The following IL16 variants were observed in gnomAD, a reference collection of about 807,000 sequenced individuals.
The protein encoded by IL16 is pro-interleukin-16.
IL16 carries 67 observed loss-of-function variants against 110.1 expected under a neutral mutation model. That is an observed-to-expected ratio of 0.61 (90% confidence interval 0.50 to 0.75). The LOEUF (loss-of-function observed/expected upper bound fraction) is 0.75, where lower values mean the gene tolerates loss of function less well. IL16 is among the 30% of genes least tolerant of loss of function. The pLI, the probability that IL16 is intolerant of heterozygous loss-of-function variation, is 0.00. For synonymous variants in IL16, 689 were observed against 662.9 expected (o/e 1.04, Z -0.61); for missense variants, 1,545 against 1,655.0 (o/e 0.93, Z 1.15).
In IL16 at chr15:81,269,239, T is replaced by C. The variant is rs375834656; in HGVS notation, c.565-299T>C. Among the ~76,000 whole-genome samples, 173 of 152,370 alleles carry C rather than the reference T, an allele frequency of 1.1e-3. 4 individuals are homozygous for C. In the South Asian group the frequency reaches 0.032, roughly 28 times the overall value. On this transcript the variant is annotated intron_variant, in intron 4 of 18. Transcript: ENST00000683961. Reference sequence around the variant, plus strand: ...AGACCTGGCTTATGAGGACTTGTCCTGGAGGCAGCGTGTTCTGTGATGTTA... The same window carrying C: ...AGACCTGGCTTATGAGGACTTGTCCCGGAGGCAGCGTGTTCTGTGATGTTA...
chr15:81,300,204 C>T lies in IL16; in HGVS notation c.2878C>T (p.Pro960Ser), dbSNP rs1340177512. ...EESQGPVLKM[P>S]SQRARSFPLT... is the part of the protein sequence containing the mutation. Reference sequence around the variant, plus strand: ...ATCTCAAGGCCCAGTGCTCAAGATGCCTAGCCAGCGAGCACGGAGCTTCCC... The same window carrying T: ...ATCTCAAGGCCCAGTGCTCAAGATGTCTAGCCAGCGAGCACGGAGCTTCCC... The change falls in exon 14 of 19, where the codon CCT becomes TCT. Residue 960 changes from proline to serine, a missense_variant. Pro to Ser is a moderately conservative substitution (Grantham distance 74). Around this residue, in one of 3 missense-constraint regions of IL16, gnomAD observed 1,185 missense variants for 1,238.8 expected, o/e 0.96. Coordinates refer to ENST00000683961, the MANE Select transcript of IL16 (RefSeq NM_172217.5). 1.2e-6 allele frequency: 2 copies of T among 1,614,092 alleles called. No homozygotes were observed. The highest frequency in any genetic ancestry group is 2.2e-5 in the East Asian group (1 of 44,882).
chr15:81,217,911 C>T (rs540253431), intron 1 of IL16, among the ~76,000 whole-genome samples: 11 of 152,184 alleles, frequency 7.2e-5, no homozygotes, highest in Admixed American at 1.3e-4. Context: ...CTCAATATAT[C>T]GGTCAACATT....
chr15:81,241,219 T>C (rs1461115971), intron 2 of IL16, among the ~76,000 whole-genome samples: 2 of 152,122 alleles, frequency 1.3e-5, no homozygotes, highest in Admixed American at 6.5e-5. Context: ...AAACAAGTAT[T>C]GTTCTCTTGT....
intron 1 of IL16, among the ~76,000 whole-genome samples, chr15:81,223,961 T>A (rs1458170019): frequency 6.6e-6 from 1 of 152,208 alleles, no homozygotes; most frequent in Non-Finnish European, 1.5e-5. Context: ...GGGTGCTTGA[T>A]AAAATGGATC....
rs571460430 is a variant in IL16, at chr15:81,303,622, G to C, written c.3392G>C (p.Gly1131Ala). 1 of 1,613,736 alleles carries C rather than the reference G, an allele frequency of 6.2e-7. No homozygotes were observed. Among genetic ancestry groups the C allele is most frequent in the Admixed American group, 1.7e-5 (1 of 60,032 alleles). ...GGTCTTGGGTTCAGCTTGGCAGGAG[G>C]AGCAGATCTAGAAAACAAGGTGATT... ...GAGLGFSLAG[G>A]ADLENKVITV... is the part of the protein sequence containing the mutation. The change falls in exon 16 of 19, where the codon GGA (glycine) becomes GCA (alanine). Residue 1131 changes from glycine (G) to alanine (A), a missense_variant. By Grantham distance (60) the Gly-to-Ala change is moderately conservative. Coordinates refer to ENST00000683961, the MANE Select transcript of IL16 (RefSeq NM_172217.5). This position sits in a 1 kb window ranked among gnomAD's most constrained non-coding sequence, Gnocchi z 4.1.
At chr15:81,279,337 A>G (rs968134111) in intron 7 of IL16, among the ~76,000 whole-genome samples, 1 of 152,060 alleles carries the variant, frequency 6.6e-6, no homozygotes, top group African/African-American at 2.4e-5. Flanking sequence ...CCTTCCATCT[A>G]TCTATCTATT....
intron 6 of IL16, among the ~76,000 whole-genome samples, chr15:81,277,852 G>C (rs944207867): frequency 1.3e-5 from 2 of 152,148 alleles, no homozygotes; most frequent in African/African-American, 4.8e-5. Context: ...TATCTGAGTT[G>C]CTTGGTGCAA....
chr15:81,223,894 T>C (rs1210545980), intron 1 of IL16, among the ~76,000 whole-genome samples: 2 of 152,176 alleles, frequency 1.3e-5, no homozygotes, highest in African/African-American at 2.4e-5. Context: ...GATTGGAGTT[T>C]TACTATCATT....
chr15:81,299,275 C>T (rs758302597), intron 13 of IL16, 105 bp from the exon 14 acceptor site: 32 of 1,590,088 alleles, frequency 2.0e-5, no homozygotes, highest in Non-Finnish European at 2.6e-5. Context: ...CTGCTAATCT[C>T]CTCCTCTTGA....
At chr15:81,236,417 G>A (rs1385473519) in intron 2 of IL16, among the ~76,000 whole-genome samples, 1 of 152,196 alleles carries the variant, frequency 6.6e-6, no homozygotes, top group Non-Finnish European at 1.5e-5. Flanking sequence ...CTGAGTGTGT[G>A]GGAGGATGAG....
At chr15:81,307,353 A>G (rs1181487794) in intron 18 of IL16, among the ~76,000 whole-genome samples, 2 of 152,134 alleles carry the variant, frequency 1.3e-5, no homozygotes, top group Non-Finnish European at 2.9e-5. Context: ...AAAGAGGTAC[A>G]GGTGTGTGTC....
At chr15:81,189,751 G>A (rs1895470693) in intron 1 of IL16, among the ~76,000 whole-genome samples, 1 of 152,198 alleles carries the variant, frequency 6.6e-6, no homozygotes, top group Admixed American at 6.5e-5. Flanking sequence ...GTGGAAGGAT[G>A]CACGAAGCAT....
At chr15:81,278,985 A>T in intron 7 of IL16, 95 bp downstream of exon 7, 1 of 843,474 alleles carries the variant, frequency 1.2e-6, no homozygotes, top group Non-Finnish European at 2.1e-6. Flanking sequence ...CAAACTGTGG[A>T]ACCCTTCACA....
intron 3 of IL16, among the ~76,000 whole-genome samples, chr15:81,260,378 ATATGC>A (rs1188282908): frequency 6.6e-6 from 1 of 152,232 alleles, no homozygotes; most frequent in African/African-American, 2.4e-5. Context: ...CTATGCCTAC[ATATGC>A]TATAAAAAAC....
chr15:81,215,380 T>C (rs548185916), intron 1 of IL16, among the ~76,000 whole-genome samples: 1 of 152,354 alleles, frequency 6.6e-6, no homozygotes, highest in Admixed American at 6.5e-5. Flanking sequence ...CAGATGCATA[T>C]ATTAGTAGGA....
intron 8 of IL16, among the ~76,000 whole-genome samples, chr15:81,281,905 G>C (rs1297201915): frequency 6.6e-6 from 1 of 152,182 alleles, no homozygotes; most frequent in Non-Finnish European, 1.5e-5. Flanking sequence ...TGGTCTTCTT[G>C]CTTCCATTCT....
At chr15:81,190,398 C>T (rs914255787) in intron 1 of IL16, among the ~76,000 whole-genome samples, 2 of 152,198 alleles carry the variant, frequency 1.3e-5, no homozygotes, top group South Asian at 2.1e-4. Context: ...ATGCTCAGCA[C>T]GGCAATGTTT....
At chr15:81,240,388 G>A (rs1433943817) in intron 2 of IL16, among the ~76,000 whole-genome samples, 1 of 151,888 alleles carries the variant, frequency 6.6e-6, no homozygotes, top group Non-Finnish European at 1.5e-5. Flanking sequence ...TGGAAATGGT[G>A]AGTCAAAGGG....
intron 1 of IL16, among the ~76,000 whole-genome samples, chr15:81,186,096 G>A (rs1207320511): frequency 6.6e-6 from 1 of 152,086 alleles, no homozygotes; most frequent in African/African-American, 2.4e-5. Context: ...ACCCCTCAGT[G>A]TGCATCCCTC....
Sources: gnomAD v4.1 joint callset for allele counts (sites outside exome capture counted in the v4.1 genomes callset) on GRCh38, gnomAD v4.1.1 for gene constraint, gnomAD v4.1.1 regional missense constraint, Gnocchi (gnomAD v3.1) non-coding constraint, MANE v1.5 for transcripts, NCBI Gene and HGNC (gene_info 2026-07-23, HGNC 2026-07-21) for gene names.